Variants in CFAP299 observed in about 807,000 individuals in gnomAD.
CFAP299 encodes the protein cilia- and flagella-associated protein 299.
Under a neutral mutation model 27.0 loss-of-function variants are expected in CFAP299, and 21 were observed. The observed-to-expected ratio is 0.78, with a 90% CI of 0.55 to 1.12. The LOEUF (loss-of-function observed/expected upper bound fraction) is 1.12, where lower values mean the gene tolerates loss of function less well. Among genes scored for constraint, CFAP299 ranks in the 50% most tolerant of loss-of-function variants. The probability of loss-of-function intolerance (pLI) is 0.00; values close to 1 mark genes in which losing one functional copy is unlikely to be tolerated. For synonymous variants in CFAP299, 104 were observed against 98.1 expected, an observed-to-expected ratio of 1.06 and a Z score of -0.36; for missense variants, 310 against 276.6, an observed-to-expected ratio of 1.12 and a Z score of -0.86.
intron 3 of CFAP299, among the ~76,000 whole-genome samples, chr4:80,821,432 A>T (rs1257159700): frequency 1.3e-5 from 2 of 152,158 alleles, no homozygotes; most frequent in African/African-American, 4.8e-5. Context: ...TTGGAAAACG[A>T]ATTATACAAA....
rs552798951 is a variant in CFAP299, at chr4:80,557,261, TG to T, written c.243-25829del. On this transcript the variant is annotated intron_variant, in intron 2 of 5. Transcript: ENST00000358105. ...TACCCACCTCTTCCATGACAGTCCCTGGGCCTAGAAGAATTGGATAGTTTAA... is the reference window on the plus strand; with the variant it reads ...TACCCACCTCTTCCATGACAGTCCCTGGCCTAGAAGAATTGGATAGTTTAA... 2.2e-3 allele frequency among the ~76,000 whole-genome samples: 329 copies of T among 152,202 alleles called. 1 individual carries two copies. Among genetic ancestry groups the T allele is most frequent in the Non-Finnish European group, 3.6e-3 (244 of 67,964 alleles).
At chr4:80,908,126 T>C (rs1395815819) in intron 4 of CFAP299, among the ~76,000 whole-genome samples, 1 of 152,224 alleles carries the variant, frequency 6.6e-6, no homozygotes, top group Non-Finnish European at 1.5e-5. Flanking sequence ...CATAGGCGTC[T>C]GAATTTTTCA....
intron 3 of CFAP299, among the ~76,000 whole-genome samples, chr4:80,658,103 G>T (rs896265666): frequency 6.6e-6 from 1 of 152,166 alleles, no homozygotes; most frequent in South Asian, 2.1e-4. Context: ...CTTTGCTGAA[G>T]TTGCTTATCA....
intron 3 of CFAP299, among the ~76,000 whole-genome samples, chr4:80,800,356 G>A (rs182232437): frequency 0.04 from 2,055 of 51,056 alleles, 154 homozygotes; most frequent in African/African-American, 0.068. Context: ...TAATATATAT[G>A]ATATATTAAT....
intron 3 of CFAP299, among the ~76,000 whole-genome samples, chr4:80,624,850 A>G (rs1738801895): frequency 6.6e-6 from 1 of 152,258 alleles, no homozygotes; most frequent in African/African-American, 2.4e-5. Flanking sequence ...AGTGCTGAGA[A>G]CAACAAATAC....
chr4:80,826,188 T>A (rs894515818), intron 3 of CFAP299, among the ~76,000 whole-genome samples: 1 of 151,594 alleles, frequency 6.6e-6, no homozygotes, highest in Admixed American at 6.6e-5. Flanking sequence ...TCAAATGTAA[T>A]CAATCCCCAT....
At chr4:80,876,327 C>A (rs1312375523) in intron 4 of CFAP299, among the ~76,000 whole-genome samples, 3 of 151,908 alleles carry the variant, frequency 2.0e-5, no homozygotes, top group Admixed American at 6.6e-5. Flanking sequence ...ATCATGGGGG[C>A]AGTTTTCTCC....
At chr4:80,647,924 G>A (rs1434101827) in intron 3 of CFAP299, among the ~76,000 whole-genome samples, 1 of 152,106 alleles carries the variant, frequency 6.6e-6, no homozygotes, top group Admixed American at 6.6e-5. Flanking sequence ...GGGCATGGCA[G>A]CACACACCTG....
intron 2 of CFAP299, among the ~76,000 whole-genome samples, chr4:80,485,733 C>CA (rs1174406069): frequency 2.6e-5 from 4 of 152,058 alleles, no homozygotes; most frequent in African/African-American, 9.7e-5. Context: ...GCAAATATGT[C>CA]AATGTTAACT....
intron 4 of CFAP299, among the ~76,000 whole-genome samples, chr4:80,875,424 G>A (rs1733319420): frequency 6.6e-6 from 1 of 152,140 alleles, no homozygotes; most frequent in Non-Finnish European, 1.5e-5. Context: ...CACTTTGGGA[G>A]GCCGAGGCGG....
intron 3 of CFAP299, among the ~76,000 whole-genome samples, chr4:80,804,059 C>G (rs1250239575): frequency 6.6e-6 from 1 of 152,042 alleles, no homozygotes; most frequent in Non-Finnish European, 1.5e-5. Flanking sequence ...TAATCCCATT[C>G]AAGAAGGAGG....
chr4:80,949,920 G>A (rs1737683232), intron 5 of CFAP299, among the ~76,000 whole-genome samples: 2 of 151,926 alleles, frequency 1.3e-5, no homozygotes, highest in African/African-American at 2.4e-5. Flanking sequence ...GTACAGACGA[G>A]GGAGGAAAAG....
At chr4:80,636,663 C>A (rs1020736139) in intron 3 of CFAP299, among the ~76,000 whole-genome samples, 3 of 152,080 alleles carry the variant, frequency 2.0e-5, no homozygotes, top group African/African-American at 7.2e-5. Flanking sequence ...TTGTATAATA[C>A]CTCTTATAGA....
chr4:80,803,394 T>G (rs1728709516), intron 3 of CFAP299, among the ~76,000 whole-genome samples: 1 of 152,084 alleles, frequency 6.6e-6, no homozygotes, highest in South Asian at 2.1e-4. Flanking sequence ...AATTAATAAT[T>G]GAAAGAATTA....
Position 80,730,179 on chromosome 4 carries a change from A to G in CFAP299, c.334-139814A>G, listed in dbSNP as rs143057339. The stretch of plus-strand genomic sequence containing the variant: ...CTGGACCCAATGGAGGCATTGCTCC[A>G]CAGCTTCCTTCTCTTTTTTCCCTGC... On this transcript the variant is annotated intron_variant, in intron 3 of 5. Transcript: ENST00000358105. Among the ~76,000 whole-genome samples the G allele has an allele frequency of 1.1e-3, 168 of 151,396 alleles. 2 individuals are homozygous for G. Among genetic ancestry groups the G allele is most frequent in the African/African-American group, 3.8e-3 (156 of 41,156 alleles).
chr4:80,327,624 G>A, the CFAP299 span, among the ~76,000 whole-genome samples: 29 of 116,788 alleles, frequency 2.5e-4, no homozygotes, highest in Non-Finnish European at 5.0e-4. Flanking sequence ...GGTGCATTGA[G>A]ATGAAATTAG....
At chr4:80,395,554 CTTG>C (rs1725734773) in intron 2 of CFAP299, among the ~76,000 whole-genome samples, 1 of 151,986 alleles carries the variant, frequency 6.6e-6, no homozygotes, top group Non-Finnish European at 1.5e-5. Context: ...CTATACCAAA[CTTG>C]TTGAGAGTTT....
intron 2 of CFAP299, among the ~76,000 whole-genome samples, chr4:80,415,600 T>A (rs1726959353): frequency 6.6e-6 from 1 of 152,126 alleles, no homozygotes; most frequent in Admixed American, 6.5e-5. Context: ...AATATATACA[T>A]TGTAAAAAAA....
At chr4:80,624,590 T>G (rs866575824) in intron 3 of CFAP299, among the ~76,000 whole-genome samples, 11 of 151,908 alleles carry the variant, frequency 7.2e-5, no homozygotes, top group African/African-American at 2.4e-4. Flanking sequence ...AGCAGAACAA[T>G]TTTCAAATCT....
Sources: gnomAD v4.1 joint callset for allele counts (sites outside exome capture counted in the v4.1 genomes callset) on GRCh38, gnomAD v4.1.1 for gene constraint, MANE v1.5 for transcripts, NCBI Gene and HGNC (gene_info 2026-07-23, HGNC 2026-07-21) for gene names.